Variants in MARK3 observed in about 807,000 individuals in gnomAD.
The protein encoded by MARK3 is MAP/microtubule affinity-regulating kinase 3.
A neutral mutation model predicts 90.1 loss-of-function variants in MARK3; 46 were observed. That is an observed-to-expected ratio of 0.51 (90% confidence interval 0.40 to 0.65). MARK3 has a LOEUF of 0.65. Ranked by LOEUF, MARK3 falls within the 30% of genes least tolerant of loss-of-function variation. The probability of loss-of-function intolerance (pLI) is 0.00; values close to 1 mark genes in which losing one functional copy is unlikely to be tolerated. For missense variants in MARK3, 818 were observed against 947.2 expected (o/e 0.86, Z 1.79); for synonymous variants, 321 against 332.6 (o/e 0.97, Z 0.38).
At chr14:103,470,577 T>G (rs2141670737) in intron 12 of MARK3, among the ~76,000 whole-genome samples, 1 of 149,614 alleles carries the variant, frequency 6.7e-6, no homozygotes, top group East Asian at 2.0e-4. Context: ...TGCCTCAGCC[T>G]CCCGAGTAGC....
chr14:103,420,182 A>G (rs2092147524), intron 2 of MARK3, among the ~76,000 whole-genome samples: 1 of 152,140 alleles, frequency 6.6e-6, no homozygotes, highest in East Asian at 1.9e-4. Flanking sequence ...AGCTCCATAT[A>G]AGCCTAATCC....
At chr14:103,416,753 CAA>C (rs1255611144) in intron 2 of MARK3, among the ~76,000 whole-genome samples, 2 of 152,032 alleles carry the variant, frequency 1.3e-5, no homozygotes, top group Non-Finnish European at 2.9e-5. Context: ...GCCTGGGCAA[CAA>C]GAGCAAAACT....
intron 2 of MARK3, among the ~76,000 whole-genome samples, chr14:103,409,170 T>C (rs1183255136): frequency 6.6e-6 from 1 of 152,124 alleles, no homozygotes; most frequent in Non-Finnish European, 1.5e-5. Flanking sequence ...CAGAGTGGTT[T>C]AATTTAAAAA....
chr14:103,421,351 G>A (rs1040201145), intron 2 of MARK3, among the ~76,000 whole-genome samples: 24 of 152,320 alleles, frequency 1.6e-4, no homozygotes, highest in African/African-American at 4.8e-4. Flanking sequence ...CACAGTAACT[G>A]CATAGAATGA....
intron 10 of MARK3, 148 bp from the exon 11 acceptor site, chr14:103,466,931 G>A: frequency 2.3e-6 from 1 of 443,174 alleles, no homozygotes; most frequent in Non-Finnish European, 4.0e-6. Flanking sequence ...TTGAATCTGG[G>A]AGGTGGAGGT....
chr14:103,462,597 C>A, intron 7 of MARK3, 136 bp downstream of exon 7: 1 of 509,690 alleles, frequency 2.0e-6, no homozygotes. Flanking sequence ...TCCTCTTAAT[C>A]AAGTTATGGG....
intron 1 of MARK3, among the ~76,000 whole-genome samples, chr14:103,388,087 A>T (rs2140422890): frequency 6.6e-6 from 1 of 151,164 alleles, no homozygotes; most frequent in South Asian, 2.1e-4. Flanking sequence ...ATGTGCCACC[A>T]CTCCCGGCTA....
intron 14 of MARK3, among the ~76,000 whole-genome samples, chr14:103,487,827 T>TC (rs975713674): frequency 4.3e-4 from 65 of 152,082 alleles, no homozygotes; most frequent in African/African-American, 1.5e-3. Context: ...GCCGGGTGGA[T>TC]CACGAGGTCA....
Position 103,466,107 on chromosome 14 carries a change from G to A in MARK3, c.897+16G>A. On this transcript the variant is annotated intron_variant, in intron 9 of 17. Coordinates refer to ENST00000429436, the MANE Select transcript of MARK3 (RefSeq NM_001128918.3). ...CACTCTAGAGGTAATCATGTAGGTGGAAACAAGCAGTAACTTTGGAGAGTC... is the reference window on the plus strand; with the variant it reads ...CACTCTAGAGGTAATCATGTAGGTGAAAACAAGCAGTAACTTTGGAGAGTC... 1.2e-6 allele frequency: 2 copies of A among 1,611,596 alleles called. No homozygotes were observed. Among genetic ancestry groups the A allele is most frequent in the Non-Finnish European group, 1.7e-6 (2 of 1,179,254 alleles).
chr14:103,449,822 T>C (rs930969845), intron 4 of MARK3, among the ~76,000 whole-genome samples: 2 of 152,210 alleles, frequency 1.3e-5, no homozygotes, highest in Non-Finnish European at 2.9e-5. Context: ...AATCTAAAAA[T>C]AATATTTCAA....
chr14:103,502,363 TCATGTTCAGCCTCAGGG>T (rs755100412), intron 17 of MARK3, among the ~76,000 whole-genome samples: 28 of 152,376 alleles, frequency 1.8e-4, no homozygotes, highest in South Asian at 4.1e-4. Context: ...GGGTAGAGCA[TCATGTTCAGCCTCAGGG>T]CTGTACAGCA....
intron 6 of MARK3, among the ~76,000 whole-genome samples, chr14:103,460,071 A>ATT (rs1566882596): frequency 8.8e-5 from 4 of 45,574 alleles, no homozygotes; most frequent in Admixed American, 3.3e-4. Flanking sequence ...TTCCAGCTCC[A>ATT]TCTTTTTTTT....
intron 6 of MARK3, among the ~76,000 whole-genome samples, chr14:103,460,700 G>C (rs1379090822): frequency 6.6e-6 from 1 of 152,184 alleles, no homozygotes; most frequent in Non-Finnish European, 1.5e-5. Flanking sequence ...AAAATAACCT[G>C]TAAGAGAAAT....
intron 10 of MARK3, 124 bp downstream of exon 10, chr14:103,466,566 T>A (rs1043468505): frequency 1.6e-6 from 1 of 638,264 alleles, no homozygotes; most frequent in Non-Finnish European, 2.8e-6. Context: ...GAACAGTTTA[T>A]CTGTTCTGTC....
chr14:103,466,375 G>A lies in MARK3; in HGVS notation c.930G>A (p.Gly310=), dbSNP rs1474311125. 6.2e-7 allele frequency: 1 copy of A among 1,613,922 alleles called. No individual in the cohort carries two copies. The highest frequency in any genetic ancestry group is 1.1e-5 in the South Asian group (1 of 91,078). ...QIMKDRWINA[G]HEEDELKPFV... ...TGAAGGACAGGTGGATCAATGCAGG[G>A]CATGAAGAAGATGAACTCAAACCAT... Residue 310 remains glycine (G), a synonymous_variant, in exon 10 of 18, where the codon GGG becomes GGA. Transcript: ENST00000429436.
In MARK3 at chr14:103,427,241, T is replaced by C. The variant is rs144110951; in HGVS notation, c.244-1146T>C. Among the ~76,000 whole-genome samples, 7 of 151,624 alleles carry C rather than the reference T, an allele frequency of 4.6e-5. No individual in the cohort carries two copies. The East Asian group carries it at 1.4e-3, about 29-fold the overall frequency. On this transcript the variant is annotated intron_variant, in intron 2 of 17. Transcript: ENST00000429436. ...CAGGCCAGGCGCTGTGGCTCACACGTGTAATCCTAGCACATTGGGAGGCCG... is the reference window on the plus strand; with the variant it reads ...CAGGCCAGGCGCTGTGGCTCACACGCGTAATCCTAGCACATTGGGAGGCCG...
At chr14:103,471,496 T>G (rs1382014711) in intron 12 of MARK3, among the ~76,000 whole-genome samples, 1 of 152,160 alleles carries the variant, frequency 6.6e-6, no homozygotes, top group Non-Finnish European at 1.5e-5. Context: ...AAGCACCTCA[T>G]TGGAGTAGCT....
At chr14:103,452,909 C>G (rs544926223) in intron 5 of MARK3, among the ~76,000 whole-genome samples, 1 of 152,198 alleles carries the variant, frequency 6.6e-6, no homozygotes, top group Non-Finnish European at 1.5e-5. Flanking sequence ...ACACACCTCA[C>G]ATTTTGTTTA....
At chr14:103,485,709 T>C (rs2141940918) in intron 14 of MARK3, among the ~76,000 whole-genome samples, 1 of 152,256 alleles carries the variant, frequency 6.6e-6, no homozygotes, top group Non-Finnish European at 1.5e-5. Context: ...TATCCTTTAG[T>C]AACCTTAAGT....
Sources: gnomAD v4.1 joint callset for allele counts (sites outside exome capture counted in the v4.1 genomes callset) on GRCh38, gnomAD v4.1.1 for gene constraint, MANE v1.5 for transcripts, NCBI Gene and HGNC (gene_info 2026-07-23, HGNC 2026-07-21) for gene names.